The following NFASC variants were observed in gnomAD, a reference collection of about 807,000 sequenced individuals.
The protein encoded by NFASC is neurofascin, also known as neurofascin homolog.
Under a neutral mutation model 147.5 loss-of-function variants are expected in NFASC, and 43 were observed. The observed-to-expected ratio is 0.29, with a 90% CI of 0.23 to 0.38. The LOEUF (loss-of-function observed/expected upper bound fraction) is 0.38. NFASC is among the 10% of genes least tolerant of loss of function. NFASC has a pLI of 1.00. For synonymous variants in NFASC, 622 were observed against 665.5 expected (o/e 0.93, Z 1.01); for missense variants, 1,320 against 1,689.0 (o/e 0.78, Z 3.83).
intron 1 of NFASC, among the ~76,000 whole-genome samples, chr1:204,839,545 G>A (rs1268050934): frequency 6.6e-6 from 1 of 152,166 alleles, no homozygotes; most frequent in Non-Finnish European, 1.5e-5. Context: ...TCCTTCATGA[G>A]GGAATGGCTT....
In NFASC at chr1:204,968,233, TTC is replaced by T. The variant is rs753772954; in HGVS notation, c.707-11_707-10del. 3.1e-5 allele frequency: 50 copies of T among 1,602,490 alleles called. No homozygotes were observed. Among genetic ancestry groups the T allele is most frequent in the Non-Finnish European group, 4.1e-5 (48 of 1,169,402 alleles). On this transcript the variant is annotated splice_polypyrimidine_tract_variant and intron_variant, in intron 8 of 29. Coordinates refer to ENST00000339876, the MANE Select transcript of NFASC (RefSeq NM_001005388.3). This position sits in a 1 kb window ranked among gnomAD's most constrained non-coding sequence, Gnocchi z 5.4. ...CTGGAAGGAGGCTCATGGGAGTTTGTTCTCTCCTGTTTCAGCCCGAGGAGTTG... is the reference window on the plus strand; with the variant it reads ...CTGGAAGGAGGCTCATGGGAGTTTGTTCTCCTGTTTCAGCCCGAGGAGTTG...
At chr1:204,876,669 G>A (rs972587866) in intron 1 of NFASC, among the ~76,000 whole-genome samples, 1 of 151,946 alleles carries the variant, frequency 6.6e-6, no homozygotes, top group Non-Finnish European at 1.5e-5. Context: ...ACTTAGCTAC[G>A]CTAGGAACCT....
intron 1 of NFASC, among the ~76,000 whole-genome samples, chr1:204,884,481 C>T (rs926062955): frequency 2.0e-5 from 3 of 152,018 alleles, no homozygotes; most frequent in East Asian, 3.9e-4. Context: ...GAACCACCTG[C>T]GGTAGAAGAT....
At chr1:204,879,429 C>A (rs1237809254) in intron 1 of NFASC, among the ~76,000 whole-genome samples, 1 of 152,214 alleles carries the variant, frequency 6.6e-6, no homozygotes, top group Non-Finnish European at 1.5e-5. Context: ...ACTGAACCCA[C>A]ACAGCTAGCA....
intron 5 of NFASC, among the ~76,000 whole-genome samples, chr1:204,952,480 GT>G (rs2094180979): frequency 1.3e-5 from 2 of 152,266 alleles, no homozygotes; most frequent in Admixed American, 1.3e-4. Flanking sequence ...GCCTCTACCT[GT>G]TTATGTGCTC....
intron 12 of NFASC, 125 bp from the exon 13 acceptor site, chr1:204,974,054 T>C: frequency 1.4e-6 from 1 of 693,484 alleles, no homozygotes; most frequent in Non-Finnish European, 2.5e-6. Context: ...GGAAGGTTGA[T>C]AGGGGAAGGT....
At chr1:204,918,586 T>TC in intron 1 of NFASC, among the ~76,000 whole-genome samples, 1 of 143,390 alleles carries the variant, frequency 7.0e-6, no homozygotes, top group East Asian at 2.0e-4. Context: ...CTTTGAAACT[T>TC]TTTTTTTTTT....
At chr1:204,913,166 G>A (rs1050948984) in intron 1 of NFASC, among the ~76,000 whole-genome samples, 6 of 151,966 alleles carry the variant, frequency 3.9e-5, no homozygotes, top group African/African-American at 1.5e-4. Flanking sequence ...TTCATAATCT[G>A]TACAACAAAA....
chr1:204,887,815 C>T (rs2081611050), intron 1 of NFASC, among the ~76,000 whole-genome samples: 1 of 152,002 alleles, frequency 6.6e-6, no homozygotes, highest in African/African-American at 2.4e-5. Flanking sequence ...CCAGGCTGGT[C>T]TCAAACTCCT....
intron 1 of NFASC, among the ~76,000 whole-genome samples, chr1:204,861,489 A>G (rs1021046574): frequency 6.6e-6 from 1 of 151,740 alleles, no homozygotes; most frequent in African/African-American, 2.4e-5. Context: ...TGCCAGACTC[A>G]TCTCACTTCT....
At chr1:204,878,026 C>G (rs1046890055) in intron 1 of NFASC, among the ~76,000 whole-genome samples, 1 of 152,208 alleles carries the variant, frequency 6.6e-6, no homozygotes, top group African/African-American at 2.4e-5. Context: ...CAGAAGCTTT[C>G]TTTTCAGTGT....
intron 16 of NFASC, 151 bp from the exon 17 acceptor site, chr1:204,977,530 G>T: frequency 1.7e-6 from 1 of 594,714 alleles, no homozygotes; most frequent in Non-Finnish European, 3.0e-6. Flanking sequence ...TAAGGGTAGG[G>T]GATTCCCCAT....
intron 1 of NFASC, among the ~76,000 whole-genome samples, chr1:204,875,292 G>A (rs980540057): frequency 6.6e-6 from 1 of 152,048 alleles, no homozygotes; most frequent in African/African-American, 2.4e-5. Context: ...CTCATAAAGA[G>A]GCCTGGGAGG....
intron 2 of NFASC, among the ~76,000 whole-genome samples, chr1:204,942,217 G>A (rs1300017331): frequency 8.5e-5 from 13 of 152,184 alleles, no homozygotes. Flanking sequence ...TAAAGGGTGT[G>A]CAGGAGCACA....
chr1:204,912,566 G>A (rs115918916), intron 1 of NFASC, among the ~76,000 whole-genome samples: 1,545 of 152,038 alleles, frequency 0.01, 22 homozygotes, highest in African/African-American at 0.033. Flanking sequence ...TAGTTGATGC[G>A]GTGGCAAGCA....
At chr1:204,931,831 T>G (rs779050773) in intron 2 of NFASC, among the ~76,000 whole-genome samples, 1 of 152,130 alleles carries the variant, frequency 6.6e-6, no homozygotes, top group Non-Finnish European at 1.5e-5. Context: ...ATGCCATCCT[T>G]CTTCTTGCTT....
In NFASC at chr1:204,944,402, G is replaced by A; in HGVS notation, c.87G>A (p.Met29Ile). 13 of 1,589,936 alleles carry A rather than the reference G, an allele frequency of 8.2e-6. No homozygotes were observed. Among genetic ancestry groups the A allele is most frequent in the South Asian group, 1.1e-5 (1 of 90,218 alleles). The change falls in exon 3 of 30, where the codon ATG (methionine) becomes ATA (isoleucine). Residue 29 changes from methionine to isoleucine, a missense_variant. Met to Ile is a conservative substitution (Grantham distance 10). Coordinates refer to ENST00000339876, the MANE Select transcript of NFASC (RefSeq NM_001005388.3). ...LSLGGAIEIPMDPSIQNELTQ... is the reference protein window; with the variant it reads ...LSLGGAIEIPIDPSIQNELTQ... ...TTGGCGGAGCCATCGAAATTCCTATGGATCGTGAGTCCTGCCCCATTCTCT... is the reference window on the plus strand; with the variant it reads ...TTGGCGGAGCCATCGAAATTCCTATAGATCGTGAGTCCTGCCCCATTCTCT...
In NFASC at chr1:204,954,782, G is replaced by A. The variant is rs760366324; in HGVS notation, c.413-47G>A. On this transcript the variant is annotated intron_variant, in intron 6 of 29. Transcript: ENST00000339876. The surrounding 1 kb of genome is among the most constrained non-coding windows in gnomAD (Gnocchi z 5.7). ...CCTCTGACCCTGCTCCTTGCCCCGGGCCCAGCCATCACCCTCACTTTATCC... is the reference window on the plus strand; with the variant it reads ...CCTCTGACCCTGCTCCTTGCCCCGGACCCAGCCATCACCCTCACTTTATCC... The A allele has an allele frequency of 6.2e-7, 1 of 1,606,386 alleles. No homozygotes were observed. The highest frequency in any genetic ancestry group is 8.5e-7 in the Non-Finnish European group (1 of 1,174,444).
chr1:204,899,709 T>C (rs4951144), intron 1 of NFASC, among the ~76,000 whole-genome samples: 20,315 of 152,072 alleles, frequency 0.13, 2,163 homozygotes, highest in East Asian at 0.52. Flanking sequence ...CATTAGGAGG[T>C]GCTTGCTTTT....
Sources: allele counts gnomAD v4.1 joint callset (sites outside exome capture counted in the v4.1 genomes callset), GRCh38; gene constraint gnomAD v4.1.1; non-coding constraint Gnocchi (gnomAD v3.1); transcripts MANE v1.5; gene names NCBI Gene and HGNC (gene_info 2026-07-23, HGNC 2026-07-21).